DGKB: variants seen among roughly 807,000 people sequenced by gnomAD.
DGKB encodes the protein diacylglycerol kinase beta, also known as 90 kDa diacylglycerol kinase.
DGKB carries 67 observed loss-of-function variants against 114.3 expected under a neutral mutation model. That is an observed-to-expected ratio of 0.59 (90% CI 0.48 to 0.72). DGKB has a LOEUF of 0.72. DGKB is among the 30% of genes least tolerant of loss of function. DGKB has a pLI of 0.00. For synonymous variants in DGKB, 398 were observed against 323.1 expected (o/e 1.23, Z -2.49); for missense variants, 907 against 975.2 (o/e 0.93, Z 0.93).
intron 6 of DGKB, among the ~76,000 whole-genome samples, chr7:14,705,043 C>A (rs1462644915): frequency 6.0e-5 from 9 of 148,896 alleles, no homozygotes; most frequent in African/African-American, 2.2e-4. Context: ...GACATTCAAA[C>A]CAAAGGCAAA....
chr7:14,929,282 AT>A (rs1031627910), intron 1 of DGKB, among the ~76,000 whole-genome samples: 6 of 151,970 alleles, frequency 3.9e-5, no homozygotes, highest in African/African-American at 1.4e-4. Context: ...TGGGAGTTCA[AT>A]TTTTAGTTAA....
chr7:14,315,529 A>G (rs1302262550), intron 23 of DGKB, among the ~76,000 whole-genome samples: 1 of 151,590 alleles, frequency 6.6e-6, no homozygotes, highest in Non-Finnish European at 1.5e-5. Context: ...ATCAAAAGAC[A>G]CAAAGAAGGC....
At chr7:14,232,347 GC>G (rs1792021466) in intron 23 of DGKB, among the ~76,000 whole-genome samples, 1 of 146,400 alleles carries the variant, frequency 6.8e-6, no homozygotes, top group South Asian at 2.2e-4. Context: ...GAAATTCCTT[GC>G]CCACAAAATC....
intron 21 of DGKB, among the ~76,000 whole-genome samples, chr7:14,357,352 G>A (rs909187023): frequency 2.6e-5 from 4 of 152,088 alleles, no homozygotes; most frequent in African/African-American, 9.7e-5. Context: ...ATTACGTAAT[G>A]GCCTTCTTTG....
At chr7:14,306,582 C>T (rs1021127449) in intron 23 of DGKB, among the ~76,000 whole-genome samples, 4 of 151,984 alleles carry the variant, frequency 2.6e-5, no homozygotes, top group Admixed American at 1.3e-4. Context: ...GTGGATAGTC[C>T]AGTCGGTACA....
At chr7:14,258,961 A>G (rs1796334984) in intron 23 of DGKB, among the ~76,000 whole-genome samples, 1 of 152,128 alleles carries the variant, frequency 6.6e-6, no homozygotes, top group South Asian at 2.1e-4. Context: ...GCCTGATTTA[A>G]GTCCTGCTCT....
intron 17 of DGKB, among the ~76,000 whole-genome samples, chr7:14,585,007 C>G (rs1218566513): frequency 1.3e-5 from 2 of 152,056 alleles, no homozygotes; most frequent in Non-Finnish European, 2.9e-5. Flanking sequence ...TTACAGCAAT[C>G]TTCGCATTTA....
intron 13 of DGKB, among the ~76,000 whole-genome samples, chr7:14,641,637 C>T (rs1262335185): frequency 6.6e-6 from 1 of 152,046 alleles, no homozygotes; most frequent in Admixed American, 6.5e-5. Context: ...TGATGCTCCA[C>T]CAGATTTCAT....
chr7:14,400,145 C>T (rs1415417997), intron 21 of DGKB, among the ~76,000 whole-genome samples: 1 of 151,796 alleles, frequency 6.6e-6, no homozygotes, highest in African/African-American at 2.4e-5. Context: ...GAGGAAAACA[C>T]CCTTTATGGT....
intron 23 of DGKB, among the ~76,000 whole-genome samples, chr7:14,203,864 G>T (rs1786316129): frequency 6.6e-6 from 1 of 151,858 alleles, no homozygotes; most frequent in South Asian, 2.1e-4. Flanking sequence ...AGCAGATGTG[G>T]GGCAAAGAAA....
intron 13 of DGKB, among the ~76,000 whole-genome samples, chr7:14,661,639 C>T (rs577568382): frequency 5.3e-4 from 81 of 152,048 alleles, no homozygotes; most frequent in Non-Finnish European, 1.0e-3. Flanking sequence ...TTGTGGAAGT[C>T]AGTGTGGCGA....
chr7:14,680,020 T>G (rs1458556980), intron 12 of DGKB, among the ~76,000 whole-genome samples: 1 of 151,948 alleles, frequency 6.6e-6, no homozygotes, highest in Non-Finnish European at 1.5e-5. Context: ...TTGCACAAGT[T>G]GTGTTTTATG....
rs533755863 is a variant in DGKB at position 14,761,412 on chromosome 7, A to G, written c.71-3681T>C. ...CTATGTTTTACCTTCTTTTGGGGGG[A>G]ACACACATTTATCTTATTTGTAAGT... On this transcript the variant is annotated intron_variant, in intron 2 of 25. Coordinates refer to ENST00000402815, the MANE Select transcript of DGKB (RefSeq NM_001350709.2). Among the ~76,000 whole-genome samples, 34 of 152,172 alleles carry G rather than the reference A, an allele frequency of 2.2e-4. 2 individuals are homozygous for G. In the South Asian group the frequency reaches 6.8e-3, roughly 31 times the overall value.
chr7:14,610,219 C>A (rs968360008), intron 16 of DGKB, among the ~76,000 whole-genome samples: 9 of 152,016 alleles, frequency 5.9e-5, no homozygotes, highest in Admixed American at 2.6e-4. Context: ...ATGTCCTTTG[C>A]AGCAATATGG....
chr7:14,471,744 C>G (rs1038682364), intron 21 of DGKB, among the ~76,000 whole-genome samples: 1 of 151,682 alleles, frequency 6.6e-6, no homozygotes, highest in African/African-American at 2.4e-5. Context: ...ATTTTTTGCA[C>G]TATAAAAGCA....
rs377382602 is a variant in DGKB at position 14,338,687 on chromosome 7, T to C, written c.1950A>G (p.Leu650=). The change falls in exon 23 of 26, where the codon TTA becomes TTG. Residue 650 remains leucine (L), a synonymous_variant. Transcript: ENST00000402815. ...EIECDGVQID[L]INISLEGIAI... is the part of the protein sequence containing the mutation. ...CAATTCCTTCCAGAGAGATGTTTAT[T>C]AAATCTATCTGTACTCCATCACACT... 1.3e-6 allele frequency: 2 copies of C among 1,585,142 alleles called. No homozygotes were observed. Among genetic ancestry groups the C allele is most frequent in the South Asian group, 1.2e-5 (1 of 86,514 alleles).
chr7:14,501,862 G>A (rs528563021), intron 20 of DGKB, among the ~76,000 whole-genome samples: 3 of 152,012 alleles, frequency 2.0e-5, no homozygotes, highest in Admixed American at 1.3e-4. Flanking sequence ...AGTACACTCA[G>A]GAACCCCATC....
chr7:14,390,071 T>A (rs1821087893), intron 21 of DGKB, among the ~76,000 whole-genome samples: 1 of 152,148 alleles, frequency 6.6e-6, no homozygotes, highest in African/African-American at 2.4e-5. Context: ...GAGGCAGTAA[T>A]TTGAGTATGA....
intron 17 of DGKB, among the ~76,000 whole-genome samples, chr7:14,589,595 TA>T (rs1477591733): frequency 5.3e-5 from 8 of 152,134 alleles, no homozygotes; most frequent in Non-Finnish European, 1.0e-4. Flanking sequence ...CTTCTACTCC[TA>T]TCATAAGAAT....
Sources: gnomAD v4.1 joint callset for allele counts (sites outside exome capture counted in the v4.1 genomes callset) on GRCh38, gnomAD v4.1.1 for gene constraint, MANE v1.5 for transcripts, NCBI Gene and HGNC (gene_info 2026-07-23, HGNC 2026-07-21) for gene names.